The following AP1G2 variants were observed in gnomAD, a reference collection of about 807,000 sequenced individuals.
AP1G2 encodes the protein AP-1 complex subunit gamma-like 2.
In AP1G2, 85 loss-of-function variants were observed where a neutral mutation model predicts 95.8. The ratio of observed to expected loss-of-function variants is 0.89; its 90% CI spans 0.74 to 1.06. AP1G2 has a LOEUF of 1.06. Among genes scored for constraint, AP1G2 ranks in the 50% least tolerant of loss-of-function variants. AP1G2 has a pLI of 0.00. For missense variants in AP1G2, 967 were observed against 1,005.8 expected (o/e 0.96, Z 0.52); for synonymous variants, 378 against 400.0 (o/e 0.94, Z 0.66).
In AP1G2 at chr14:23,567,732, G is replaced by A. The variant is rs1367216886; in HGVS notation, c.-6+7C>T. 9.8e-7 allele frequency: 1 copy of A among 1,024,430 alleles called. No homozygotes were observed. The highest frequency in any genetic ancestry group is 1.1e-4 in the East Asian group (1 of 9,324). The allele number at this position is 1,024,430 out of a possible 1,614,324, so 63.5% of individuals were successfully genotyped here. ...ACAGCCTGCCTACCCCAGGACTCCA[G>A]CCTCACCTGGCTTCTGCCTCAACTC... On this transcript the variant is annotated splice_region_variant and intron_variant, in intron 1 of 21. Transcript: ENST00000397120. This position sits in a 1 kb window ranked among gnomAD's most constrained non-coding sequence, Gnocchi z 5.3.
chr14:23,566,851 T>C (rs1888274835), intron 2 of AP1G2, 165 bp from the exon 3 acceptor site: 1 of 1,026,842 alleles, frequency 9.7e-7, no homozygotes, highest in African/African-American at 1.6e-5. Context: ...CGTTAGTGGG[T>C]AGGAGGAACT....
chr14:23,562,230 C>A lies in AP1G2; in HGVS notation c.1628+58G>T, dbSNP rs748335436. 1.3e-5 allele frequency: 21 copies of A among 1,605,904 alleles called. 1 individual carries two copies. The highest frequency in any genetic ancestry group is 1.2e-4 in the South Asian group (11 of 90,546). ...GGGCATGTATGCCTGGAAAGAAACT[C>A]AAAAATGGGTGGACCCAGTGACAGG... On this transcript the variant is annotated intron_variant, in intron 16 of 21. Transcript: ENST00000397120.
At position 23,563,813 on chromosome 14, in the gene AP1G2, C is replaced by T; in HGVS notation, c.1135G>A (p.Val379Met). Residue 379 changes from valine to methionine, a missense_variant, in exon 12 of 22, where the codon GTG becomes ATG. Physicochemically the swap from Val to Met is conservative, Grantham distance 21. Transcript: ENST00000397120. Reference protein sequence around the residue: ...LSLALVNSSNVRAMMQELQAF... With the variant: ...LSLALVNSSNMRAMMQELQAF... The stretch of plus-strand genomic sequence containing the variant: ...TGCAGCTCTTGCATCATGGCTCGCA[C>T]ATTGGAGCTATTTACCAGAGCCAGG... 1.2e-6 allele frequency: 2 copies of T among 1,614,154 alleles called. No homozygotes were observed. Among genetic ancestry groups the T allele is most frequent in the South Asian group, 2.2e-5 (2 of 91,088 alleles).
At chr14:23,564,883 C>G (rs2139302651) in intron 8 of AP1G2, 1 of 631,450 alleles carries the variant, frequency 1.6e-6, no homozygotes, top group Non-Finnish European at 2.8e-6. Flanking sequence ...TGTTATCTGT[C>G]CATCCTTCAA....
chr14:23,561,962 C>T lies in AP1G2; in HGVS notation c.1733G>A (p.Arg578Lys). 1 of 1,607,616 alleles carries T rather than the reference C, an allele frequency of 6.2e-7. No homozygotes were observed. The highest frequency in any genetic ancestry group is 1.1e-5 in the South Asian group (1 of 89,948). Reference protein sequence around the residue: ...DTLFRKYDHMRAAILEKMPLV... With the variant: ...DTLFRKYDHMKAAILEKMPLV... Reference sequence around the variant, plus strand: ...TGCTGCAGCACAGTGCTGGACACACCTCATGTGGTCGTATTTCCGGAAGAG... The same window carrying T: ...TGCTGCAGCACAGTGCTGGACACACTTCATGTGGTCGTATTTCCGGAAGAG... The change falls in exon 17 of 22, where the codon AGG becomes AAG. Residue 578 changes from arginine (R) to lysine (K), a missense_variant and splice_region_variant. By Grantham distance (26) the Arg-to-Lys change is conservative. Transcript: ENST00000397120.
intron 2 of AP1G2, 137 bp from the exon 3 acceptor site, chr14:23,566,823 A>C: frequency 5.3e-6 from 7 of 1,318,426 alleles, no homozygotes; most frequent in South Asian, 1.4e-5. Context: ...ACAAGAGGAG[A>C]AGCTTAGGAA....
intron 20 of AP1G2, 50 bp downstream of exon 20, chr14:23,560,205 C>G: frequency 6.2e-7 from 1 of 1,600,560 alleles, no homozygotes; most frequent in Non-Finnish European, 8.5e-7. Flanking sequence ...ACTTAGTGGC[C>G]TTTTCTCCTG....
rs779841590 is a variant in AP1G2 at position 23,563,811 on chromosome 14, C to A, written c.1137G>T (p.Val379=). The change falls in exon 12 of 22, where the codon GTG becomes GTT. Residue 379 remains valine, a synonymous_variant. Transcript: ENST00000397120. ...LSLALVNSSN[V]RAMMQELQAF... ...CCTGCAGCTCTTGCATCATGGCTCG[C>A]ACATTGGAGCTATTTACCAGAGCCA... 7.4e-6 allele frequency: 12 copies of A among 1,614,148 alleles called. No homozygotes were observed. The highest frequency in any genetic ancestry group is 9.3e-6 in the Non-Finnish European group (11 of 1,180,020).
Position 23,561,541 on chromosome 14 carries a change from C to T in AP1G2, c.1828G>A (p.Glu610Lys), listed in dbSNP as rs1414126964. The change falls in exon 18 of 22, where the codon GAA (glutamate) becomes AAA (lysine). Residue 610 changes from glutamate (E) to lysine (K), a missense_variant. Physicochemically the swap from Glu to Lys is moderately conservative, Grantham distance 56. Transcript: ENST00000397120. ...GGCTCTGTGGGCACTGGGGCTGCTTCTGAAAGCTGGGCTGCTTCTTTGCTT... is the reference window on the plus strand; with the variant it reads ...GGCTCTGTGGGCACTGGGGCTGCTTTTGAAAGCTGGGCTGCTTCTTTGCTT... ...KESKEAAQLS[E>K]AAPVPTEPQA... 1 of 1,614,182 alleles carries T rather than the reference C, an allele frequency of 6.2e-7. No individual in the cohort carries two copies. Among genetic ancestry groups the T allele is most frequent in the Admixed American group, 1.7e-5 (1 of 60,026 alleles).
In AP1G2 at chr14:23,566,416, G is replaced by A. The variant is rs1158434634; in HGVS notation, c.333C>T (p.Asp111=). 13 of 1,613,566 alleles carry A rather than the reference G, an allele frequency of 8.1e-6. 1 individual carries two copies. The South Asian group carries it at 8.8e-5, about 11-fold the overall frequency. The change falls in exon 4 of 22, where the codon GAC becomes GAT. Residue 111 remains aspartate (D), a synonymous_variant. Coordinates refer to ENST00000397120, the MANE Select transcript of AP1G2 (RefSeq NM_003917.5). ...HLLITNSIKN[D]LSQGIQPVQG... ...GTACTGGCTGAATCCCCTGGCTCAG[G>A]TCACTGCAGGGTTTGGGAGGACGGT...
In AP1G2 at chr14:23,567,685, T is replaced by TA; in HGVS notation, c.-6+53_-6+54insT. The TA allele has an allele frequency of 1.1e-6, 1 of 913,924 alleles. No individual in the cohort carries two copies. The highest frequency in any genetic ancestry group is 1.3e-6 in the Non-Finnish European group (1 of 760,346). The allele number at this position is 913,924 out of a possible 1,614,324, so 56.6% of individuals were successfully genotyped here. A position where few individuals can be genotyped will look rare whatever the true frequency, so the allele number is the denominator to read the frequency against. The stretch of plus-strand genomic sequence containing the variant: ...CGAGCTTCCTCCCCCGATTTCCATC[T>TA]CAGGCAGCGGCAGCGGCAGCGACAG... On this transcript the variant is annotated intron_variant, in intron 1 of 21. Coordinates refer to ENST00000397120, the MANE Select transcript of AP1G2 (RefSeq NM_003917.5). The surrounding 1 kb of genome is among the most constrained non-coding windows in gnomAD (Gnocchi z 5.3).
chr14:23,565,795 C>T, intron 6 of AP1G2, 21 bp downstream of exon 6: 1 of 1,594,074 alleles, frequency 6.3e-7, no homozygotes, highest in Non-Finnish European at 8.6e-7. Flanking sequence ...AGGCCCAGGG[C>T]CTGCCCCTTC....
intron 18 of AP1G2, 33 bp downstream of exon 18, chr14:23,561,479 G>A (rs200162556): frequency 9.0e-5 from 146 of 1,613,976 alleles, no homozygotes; most frequent in Non-Finnish European, 1.1e-4. Flanking sequence ...AGCTCAGCCC[G>A]TCTTCCTACC....
rs11850998 is a variant in AP1G2 at position 23,560,477 on chromosome 14, T to A, written c.1994-59A>T. On this transcript the variant is annotated intron_variant, in intron 19 of 21. Coordinates refer to ENST00000397120, the MANE Select transcript of AP1G2 (RefSeq NM_003917.5). ...AGGTTTGAGAGAACATGTTTGTTCA[T>A]TCATTCAACAAAAATTGAGTAAACA... 9,586 of 1,542,880 alleles carry A rather than the reference T, an allele frequency of 6.2e-3. 384 individuals are homozygous for A. In the African/African-American group the frequency reaches 0.093, roughly 15 times the overall value.
In AP1G2 at chr14:23,562,909, C is replaced by T. The variant is rs150544937; in HGVS notation, c.1411-316G>A. 781 of 541,802 alleles carry T rather than the reference C, an allele frequency of 1.4e-3. 6 individuals are homozygous for T. Among genetic ancestry groups the T allele is most frequent in the African/African-American group, 0.014 (727 of 51,968 alleles). 33.6% of individuals were successfully genotyped at this position (541,802 alleles called of 1,614,324 possible). On this transcript the variant is annotated intron_variant, in intron 14 of 21. Coordinates refer to ENST00000397120, the MANE Select transcript of AP1G2 (RefSeq NM_003917.5). ...AGTTTGTTACCTGGCTCCCACTGCC[C>T]TCTGGTGGCCAAGCATCAGAACTAC... is the stretch of plus-strand genomic sequence containing the variant.
At position 23,565,622 on chromosome 14, in the gene AP1G2, C is replaced by T; in HGVS notation, c.725G>A (p.Ser242Asn). 1 of 1,614,050 alleles carries T rather than the reference C, an allele frequency of 6.2e-7. No homozygotes were observed. The highest frequency in any genetic ancestry group is 2.2e-5 in the East Asian group (1 of 44,870). The part of the protein sequence containing the change: ...YSTEHSISGV[S>N]DPFLQVQILR... ...TCACCCCACCTGCAGGAAGGGGTCG[C>T]TGACTCCAGATATGCTGTGTTCTGT... Residue 242 changes from serine to asparagine, a missense_variant, in exon 7 of 22, where the codon AGC (serine) becomes AAC (asparagine). Physicochemically the swap from Ser to Asn is conservative, Grantham distance 46 (BLOSUM62 1). Coordinates refer to ENST00000397120, the MANE Select transcript of AP1G2 (RefSeq NM_003917.5).
rs1888526273 is a variant in AP1G2, at chr14:23,567,306, C to T, written c.9G>A (p.Val3=). 1.2e-6 allele frequency: 2 copies of T among 1,612,510 alleles called. No individual in the cohort carries two copies. Among genetic ancestry groups the T allele is most frequent in the East Asian group, 2.2e-5 (1 of 44,834 alleles). The part of the protein sequence containing the change: MV[V]PSLKLQDLIE... Reference sequence around the variant, plus strand: ...TGAGGTCCTGAAGCTTCAGCGAAGGCACCACCATCCTGACTGGCAGAGTCC... The same window carrying T: ...TGAGGTCCTGAAGCTTCAGCGAAGGTACCACCATCCTGACTGGCAGAGTCC... The change falls in exon 2 of 22, where the codon GTG becomes GTA. Residue 3 remains valine (V), a synonymous_variant. Transcript: ENST00000397120. This position sits in a 1 kb window ranked among gnomAD's most constrained non-coding sequence, Gnocchi z 5.3.
Position 23,567,115 on chromosome 14 carries a change from C to T in AP1G2, c.200G>A (p.Gly67Glu). The change falls in exon 2 of 22, where the codon GGA becomes GAA. Residue 67 changes from glycine (G) to glutamate (E), a missense_variant. Physicochemically the swap from Gly to Glu is moderately conservative, Grantham distance 98. Coordinates refer to ENST00000397120, the MANE Select transcript of AP1G2 (RefSeq NM_003917.5). This position sits in a 1 kb window ranked among gnomAD's most constrained non-coding sequence, Gnocchi z 5.3. ...GGAGGTATTCCTGGCCAGTACCTGT[C>T]CAAAGTGGGCGGGGTAGCCCAACAT... ...VHMLGYPAHF[G>E]QMECLKLIAS... is the part of the protein sequence containing the mutation. 1 of 1,609,974 alleles carries T rather than the reference C, an allele frequency of 6.2e-7. No homozygotes were observed. The highest frequency in any genetic ancestry group is 8.5e-7 in the Non-Finnish European group (1 of 1,177,984).
intron 7 of AP1G2, 163 bp from the exon 8 acceptor site, chr14:23,565,362 G>A (rs1430432845): frequency 2.6e-6 from 2 of 777,550 alleles, no homozygotes; most frequent in East Asian, 2.7e-5. Flanking sequence ...GAACAGAGGT[G>A]TGTGAGGCCA....
Sources: gnomAD v4.1 joint callset for allele counts on GRCh38, gnomAD v4.1.1 for gene constraint, Gnocchi (gnomAD v3.1) non-coding constraint, MANE v1.5 for transcripts, NCBI Gene and HGNC (gene_info 2026-07-23, HGNC 2026-07-21) for gene names.